Variants in MROH9 observed in about 807,000 individuals in gnomAD.
MROH9 encodes the protein maestro heat like repeat family member 9, also known as maestro heat-like repeat-containing protein family member 9.
MROH9 carries 92 observed loss-of-function variants against 98.2 expected under a neutral mutation model. The observed-to-expected ratio is 0.94, with a 90% confidence interval of 0.79 to 1.11. The LOEUF is 1.11. Ranked by LOEUF, MROH9 falls within the 50% of genes most tolerant of loss-of-function variation. The pLI is 0.00. For synonymous variants in MROH9, 397 were observed against 368.9 expected, an observed-to-expected ratio of 1.08 and a Z score of -0.87; for missense variants, 1,057 against 1,014.8, an observed-to-expected ratio of 1.04 and a Z score of -0.57.
chr1:171,021,689 G>T (rs553909948), intron 17 of MROH9, among the ~76,000 whole-genome samples: 1 of 152,090 alleles, frequency 6.6e-6, no homozygotes, highest in African/African-American at 2.4e-5. Context: ...GGACATAGGC[G>T]TGGGCAAAGA....
At chr1:171,045,162 G>A (rs1233804933) in intron 20 of MROH9, among the ~76,000 whole-genome samples, 1 of 150,826 alleles carries the variant, frequency 6.6e-6, no homozygotes, top group African/African-American at 2.4e-5. Flanking sequence ...CACCACGCCC[G>A]GTTAATTTTT....
In MROH9 at chr1:171,044,016, C is replaced by T. The variant is rs146579994; in HGVS notation, c.2282-18116C>T. 7.8e-4 allele frequency among the ~76,000 whole-genome samples: 119 copies of T among 152,158 alleles called. No homozygotes were observed. The Middle Eastern group carries it at 0.014, about 17-fold the overall frequency. On this transcript the variant is annotated intron_variant, in intron 20 of 21. Transcript: ENST00000367759. Reference sequence around the variant, plus strand: ...CTTCTAGTACTACATTGAATAACAGCGATGACAGTGGACATTCTTGTCATG... The same window carrying T: ...CTTCTAGTACTACATTGAATAACAGTGATGACAGTGGACATTCTTGTCATG...
In MROH9 at chr1:170,961,955, C is replaced by T. The variant is rs961401506; in HGVS notation, c.354C>T (p.Leu118=). The T allele has an allele frequency of 3.3e-6, 5 of 1,528,292 alleles. No individual in the cohort carries two copies. Among genetic ancestry groups the T allele is most frequent in the Non-Finnish European group, 4.4e-6 (5 of 1,127,586 alleles). 94.7% of individuals were successfully genotyped at this position (1,528,292 alleles called of 1,614,324 possible). A position where few individuals can be genotyped will look rare whatever the true frequency, so the allele number is the denominator to read the frequency against. The change falls in exon 6 of 22, where the codon CTC becomes CTT. Residue 118 remains leucine (L), a synonymous_variant. Transcript: ENST00000367759. The part of the protein sequence containing the change: ...NILTSLVSKD[L]YKLQILKEML... Reference sequence around the variant, plus strand: ...TTACGAGCTTGGTGTCTAAAGACCTCTACAAACTACAGATCTTAAAGGTAA... The same window carrying T: ...TTACGAGCTTGGTGTCTAAAGACCTTTACAAACTACAGATCTTAAAGGTAA...
At chr1:170,975,602 G>A (rs1177337001) in intron 8 of MROH9, among the ~76,000 whole-genome samples, 1 of 152,048 alleles carries the variant, frequency 6.6e-6, no homozygotes, top group Non-Finnish European at 1.5e-5. Context: ...TGCTCTGTAT[G>A]CCCATGTGTA....
chr1:170,962,242 T>C (rs769983619), intron 6 of MROH9, among the ~76,000 whole-genome samples: 6 of 152,158 alleles, frequency 3.9e-5, no homozygotes, highest in Admixed American at 3.3e-4. Context: ...TGAACACAGT[T>C]TGAAGTAGCA....
chr1:170,961,607 GA>G (rs1650016420), intron 5 of MROH9, among the ~76,000 whole-genome samples: 1 of 152,148 alleles, frequency 6.6e-6, no homozygotes, highest in East Asian at 1.9e-4. Context: ...AAATATTATA[GA>G]AAGTCACTAA....
intron 1 of MROH9, among the ~76,000 whole-genome samples, chr1:170,941,427 A>G (rs1438649113): frequency 6.6e-6 from 1 of 151,914 alleles, no homozygotes; most frequent in Admixed American, 6.5e-5. Flanking sequence ...ATTTTTGTTC[A>G]CTTGACCTAG....
chr1:170,986,301 C>T (rs938201552), intron 9 of MROH9, among the ~76,000 whole-genome samples: 1 of 152,118 alleles, frequency 6.6e-6, no homozygotes, highest in Non-Finnish European at 1.5e-5. Context: ...AATATTTGAA[C>T]AGCTGAATTG....
At chr1:171,025,100 A>C (rs2101842782) in intron 19 of MROH9, among the ~76,000 whole-genome samples, 1 of 152,284 alleles carries the variant, frequency 6.6e-6, no homozygotes, top group East Asian at 1.9e-4. Context: ...GTCCTCTGAA[A>C]CCCAGCATGA....
At chr1:171,015,390 T>C (rs1173164411) in intron 16 of MROH9, among the ~76,000 whole-genome samples, 1 of 152,188 alleles carries the variant, frequency 6.6e-6, no homozygotes, top group Non-Finnish European at 1.5e-5. Context: ...TAGTGGAAAG[T>C]GATCTGGGTT....
intron 15 of MROH9, among the ~76,000 whole-genome samples, 170 bp from the exon 16 acceptor site, chr1:171,013,947 T>G (rs1225152397): frequency 6.6e-6 from 1 of 151,802 alleles, no homozygotes; most frequent in African/African-American, 2.4e-5. Flanking sequence ...GCATCTATTT[T>G]TCTATCCTGA....
intron 15 of MROH9, among the ~76,000 whole-genome samples, chr1:171,001,592 C>T (rs1024137633): frequency 6.6e-6 from 1 of 152,040 alleles, no homozygotes; most frequent in Non-Finnish European, 1.5e-5. Context: ...TTTTATTTCA[C>T]TGTGGTCTGA....
At chr1:170,974,827 G>A (rs972699977) in intron 8 of MROH9, among the ~76,000 whole-genome samples, 2 of 151,724 alleles carry the variant, frequency 1.3e-5, no homozygotes, top group South Asian at 4.2e-4. Context: ...AATAACAAAA[G>A]TAAAATATAT....
At chr1:170,957,520 A>G (rs1016429322) in intron 3 of MROH9, among the ~76,000 whole-genome samples, 5 of 152,080 alleles carry the variant, frequency 3.3e-5, no homozygotes, top group African/African-American at 7.2e-5. Context: ...ATTTCATTCA[A>G]TTTGTCTATG....
At position 170,938,757 on chromosome 1, in the gene MROH9, C is replaced by A. The variant is rs1324387019; in HGVS notation, c.-38+3170C>A. Among the ~76,000 whole-genome samples, 4 of 152,216 alleles carry A rather than the reference C, an allele frequency of 2.6e-5. No homozygotes were observed. The East Asian group carries it at 7.7e-4, about 29-fold the overall frequency. ...GGGTAAGTGTCTATTTCAGTAAGGA[C>A]AAAATGCTTCCTCTTCTATGATGGA... On this transcript the variant is annotated intron_variant, in intron 1 of 21. Coordinates refer to ENST00000367759, the MANE Select transcript of MROH9 (RefSeq NM_001163629.2).
intron 15 of MROH9, among the ~76,000 whole-genome samples, chr1:171,009,579 T>G (rs1256042193): frequency 6.6e-6 from 1 of 152,230 alleles, no homozygotes; most frequent in African/African-American, 2.4e-5. Flanking sequence ...TAAACTCTTA[T>G]GTTAGCTTTG....
intron 14 of MROH9, 50 bp downstream of exon 14, chr1:170,996,694 TC>T: frequency 6.4e-7 from 1 of 1,571,950 alleles, no homozygotes; most frequent in Non-Finnish European, 8.6e-7. Context: ...TCCTACCTTC[TC>T]CAACTTCCTT....
At chr1:171,048,107 A>C (rs1653523842) in intron 20 of MROH9, among the ~76,000 whole-genome samples, 1 of 152,108 alleles carries the variant, frequency 6.6e-6, no homozygotes, top group Non-Finnish European at 1.5e-5. Flanking sequence ...GGTCGACCTG[A>C]AGCCAGTACA....
At chr1:170,994,434 T>A (rs1651477981) in intron 12 of MROH9, among the ~76,000 whole-genome samples, 1 of 152,220 alleles carries the variant, frequency 6.6e-6, no homozygotes, top group Admixed American at 6.5e-5. Context: ...CATGTGTTCA[T>A]GTTTCTCACA....
Sources: gnomAD v4.1 joint callset for allele counts (sites outside exome capture counted in the v4.1 genomes callset) on GRCh38, gnomAD v4.1.1 for gene constraint, MANE v1.5 for transcripts, NCBI Gene and HGNC (gene_info 2026-07-23, HGNC 2026-07-21) for gene names.